SOX6: variants seen among roughly 807,000 people sequenced by gnomAD.
The protein encoded by SOX6 is SRY-box transcription factor 6, also known as transcription factor SOX-6.
Under a neutral mutation model 97.8 loss-of-function variants are expected in SOX6, and 11 were observed. That is an observed-to-expected ratio of 0.11 (90% CI 0.07 to 0.19). The LOEUF is 0.19. Ranked by LOEUF, SOX6 falls within the 10% of genes least tolerant of loss-of-function variation. SOX6 has a pLI of 1.00. For missense variants in SOX6, 810 were observed against 1,039.5 expected, an observed-to-expected ratio of 0.78 and a Z score of 3.04; for synonymous variants, 360 against 371.4, an observed-to-expected ratio of 0.97 and a Z score of 0.35.
At chr11:16,719,095 T>A (rs1040181592) in intron 2 of SOX6, among the ~76,000 whole-genome samples, 1 of 151,702 alleles carries the variant, frequency 6.6e-6, no homozygotes, top group African/African-American at 2.4e-5. Context: ...ACTGTAAAAT[T>A]ATAAGTCATA....
At chr11:16,113,058 C>A (rs1849267841) in intron 6 of SOX6, among the ~76,000 whole-genome samples, 1 of 152,144 alleles carries the variant, frequency 6.6e-6, no homozygotes, top group Non-Finnish European at 1.5e-5. Context: ...TAAATCTTCT[C>A]TTTAGGCAAA....
At chr11:16,016,352 C>T (rs1250139163) in intron 12 of SOX6, among the ~76,000 whole-genome samples, 2 of 151,782 alleles carry the variant, frequency 1.3e-5, no homozygotes, top group Admixed American at 6.6e-5. Flanking sequence ...ACAGCATAAA[C>T]CTTGCTTTAA....
At position 16,046,705 on chromosome 11, in the gene SOX6, C is replaced by T. The variant is rs1855844469; in HGVS notation, c.1436-4G>A. On this transcript the variant is annotated splice_polypyrimidine_tract_variant and splice_region_variant and intron_variant, in intron 11 of 15. Transcript: ENST00000683767. The stretch of plus-strand genomic sequence containing the variant: ...GAGTTGAGACTAGATAGGATATCTG[C>T]ATACACAGGATGCATTATTAGATGC... 1.2e-6 allele frequency: 2 copies of T among 1,612,838 alleles called. No homozygotes were observed.
intron 12 of SOX6, among the ~76,000 whole-genome samples, chr11:16,024,271 T>C (rs1855153466): frequency 6.6e-6 from 1 of 151,982 alleles, no homozygotes; most frequent in Non-Finnish European, 1.5e-5. Context: ...TGTGAGAAAA[T>C]GAATTTCTGT....
chr11:16,292,201 A>G (rs1455387506), intron 3 of SOX6, among the ~76,000 whole-genome samples: 1 of 152,182 alleles, frequency 6.6e-6, no homozygotes, highest in Non-Finnish European at 1.5e-5. Flanking sequence ...AACAAAGAAG[A>G]ACTGAAAGTA....
rs139706825 is a variant in SOX6, at chr11:16,080,189, A to G, written c.1101+15807T>C. Among the ~76,000 whole-genome samples the G allele has an allele frequency of 1.2e-4, 18 of 151,502 alleles. No individual in the cohort carries two copies. In the East Asian group the frequency reaches 3.5e-3, roughly 29 times the overall value. Reference sequence around the variant, plus strand: ...TTCTACAATGTATACATAGATCAAAACATCACACTGTACCCCATAAATGTG... The same window carrying G: ...TTCTACAATGTATACATAGATCAAAGCATCACACTGTACCCCATAAATGTG... On this transcript the variant is annotated intron_variant, in intron 9 of 15. Coordinates refer to ENST00000683767, the MANE Select transcript of SOX6 (RefSeq NM_001367873.1).
intron 4 of SOX6, among the ~76,000 whole-genome samples, chr11:16,227,920 G>A (rs980717920): frequency 4.6e-5 from 7 of 152,046 alleles, no homozygotes; most frequent in South Asian, 2.1e-4. Context: ...GACCCAGGCC[G>A]GGTGCAGTGG....
chr11:16,402,483 A>C (rs1858585924), intron 1 of SOX6, among the ~76,000 whole-genome samples: 1 of 151,632 alleles, frequency 6.6e-6, no homozygotes, highest in African/African-American at 2.4e-5. Context: ...AAGAAGGCTT[A>C]AATCACATTT....
intron 3 of SOX6, among the ~76,000 whole-genome samples, chr11:16,237,146 C>T (rs1452072485): frequency 6.6e-6 from 1 of 151,920 alleles, no homozygotes; most frequent in Non-Finnish European, 1.5e-5. Context: ...CAGGAAGACT[C>T]GAACCTGTAA....
intron 4 of SOX6, among the ~76,000 whole-genome samples, chr11:16,555,538 C>T (rs1847740478): frequency 6.6e-6 from 1 of 151,596 alleles, no homozygotes; most frequent in African/African-American, 2.4e-5. Context: ...GTACTTCAAA[C>T]ATTTATCTTT....
chr11:16,276,602 T>C (rs1001236704), intron 3 of SOX6, among the ~76,000 whole-genome samples: 2 of 152,150 alleles, frequency 1.3e-5, no homozygotes, highest in Non-Finnish European at 2.9e-5. Flanking sequence ...TGCTCCCTCT[T>C]ACAGAATGTG....
chr11:16,550,943 C>A (rs941357379), intron 4 of SOX6, among the ~76,000 whole-genome samples: 1 of 152,062 alleles, frequency 6.6e-6, no homozygotes, highest in South Asian at 2.1e-4. Context: ...TAAGGCCAGG[C>A]GCAGTGGCTC....
At chr11:16,641,466 A>C (rs1270174121) in intron 3 of SOX6, among the ~76,000 whole-genome samples, 1 of 151,892 alleles carries the variant, frequency 6.6e-6, no homozygotes, top group East Asian at 1.9e-4. Flanking sequence ...ATCCTTGTTA[A>C]CTTTCTGTCT....
chr11:16,083,938 A>G (rs1055312801), intron 9 of SOX6, among the ~76,000 whole-genome samples: 76 of 152,282 alleles, frequency 5.0e-4, no homozygotes, highest in African/African-American at 1.8e-3. Flanking sequence ...AGACCTTTCT[A>G]GCTCTGAAAG....
At chr11:15,996,471 G>A (rs574771550) in intron 13 of SOX6, among the ~76,000 whole-genome samples, 67 of 151,654 alleles carry the variant, frequency 4.4e-4, no homozygotes, top group Admixed American at 3.2e-3. Context: ...TCTACAAAAG[G>A]TTAAAAAATT....
At chr11:16,131,042 A>G (rs182199195) in intron 6 of SOX6, among the ~76,000 whole-genome samples, 16 of 152,104 alleles carry the variant, frequency 1.1e-4, no homozygotes, top group Admixed American at 6.5e-4. Context: ...TCTTTGTGAC[A>G]TTGTATTAGG....
At chr11:15,973,833 T>C (rs1853386377) in intron 15 of SOX6, among the ~76,000 whole-genome samples, 1 of 152,116 alleles carries the variant, frequency 6.6e-6, no homozygotes, top group Non-Finnish European at 1.5e-5. Flanking sequence ...TGCCTCACCC[T>C]AGATCCCAGA....
chr11:16,721,380 T>C (rs1304295052), intron 2 of SOX6, among the ~76,000 whole-genome samples: 1 of 152,128 alleles, frequency 6.6e-6, no homozygotes. Flanking sequence ...GGGGAACTTT[T>C]TTTCTCCCCC....
intron 4 of SOX6, among the ~76,000 whole-genome samples, chr11:16,511,011 C>G (rs546759664): frequency 6.6e-6 from 1 of 151,926 alleles, no homozygotes; most frequent in African/African-American, 2.4e-5. Context: ...TTGAAATTAT[C>G]GTTGGGGAAA....
Sources: allele counts gnomAD v4.1 joint callset (sites outside exome capture counted in the v4.1 genomes callset), GRCh38; gene constraint gnomAD v4.1.1; transcripts MANE v1.5; gene names NCBI Gene and HGNC (gene_info 2026-07-23, HGNC 2026-07-21).